CACNA1D: variants seen among roughly 807,000 people sequenced by gnomAD.
CACNA1D encodes the protein calcium voltage-gated channel subunit alpha1 D.
CACNA1D carries 55 observed loss-of-function variants against 257.1 expected under a neutral mutation model. The ratio of observed to expected loss-of-function variants is 0.21; its 90% confidence interval spans 0.17 to 0.27. CACNA1D has a LOEUF of 0.27. Ranked by LOEUF, CACNA1D falls within the 10% of genes least tolerant of loss-of-function variation. The probability of loss-of-function intolerance (pLI) is 1.00; values close to 1 mark genes in which losing one functional copy is unlikely to be tolerated. For synonymous variants in CACNA1D, 980 were observed against 1,014.9 expected (o/e 0.97, Z 0.65); for missense variants, 1,876 against 2,784.0 (o/e 0.67, Z 7.34).
At chr3:53,733,038 TG>T in intron 19 of CACNA1D, 76 bp downstream of exon 19, 1 of 1,489,244 alleles carries the variant, frequency 6.7e-7, no homozygotes, top group Non-Finnish European at 9.3e-7. Context: ...GTGGCTCGGG[TG>T]GGGGTGAGGG....
At chr3:53,686,147 A>G (rs2094471728) in intron 8 of CACNA1D, among the ~76,000 whole-genome samples, 1 of 152,120 alleles carries the variant, frequency 6.6e-6, no homozygotes, top group Non-Finnish European at 1.5e-5. Context: ...CTACCAAGAA[A>G]TAAATTGGGA....
rs991077324 is a variant in CACNA1D at position 53,666,456 on chromosome 3, A to G, written c.1037A>G (p.Asn346Ser). The change falls in exon 7 of 48, where the codon AAC becomes AGC. Residue 346 changes from asparagine to serine, a missense_variant. By Grantham distance (46) the Asn-to-Ser change is conservative (BLOSUM62 1). Coordinates refer to ENST00000350061, the MANE Select transcript of CACNA1D (RefSeq NM_001128840.3). Reference protein sequence around the residue: ...GWVGPNGGITNFDNFAFAMLT... With the variant: ...GWVGPNGGITSFDNFAFAMLT... The stretch of plus-strand genomic sequence containing the variant: ...GTTGGCCCGAACGGAGGCATCACCA[A>G]CTTTGATAACTTTGCCTTTGCCATG... The G allele has an allele frequency of 5.6e-6, 9 of 1,614,194 alleles. No individual in the cohort carries two copies. The highest frequency in any genetic ancestry group is 5.9e-6 in the Non-Finnish European group (7 of 1,180,024).
chr3:53,664,228 C>T (rs3774522), intron 5 of CACNA1D, among the ~76,000 whole-genome samples: 12,405 of 152,242 alleles, frequency 0.081, 523 homozygotes, highest in South Asian at 0.1. Flanking sequence ...GAGAACCTCC[C>T]TTTGGAATGC....
chr3:53,650,404 T>A (rs2094077373), intron 3 of CACNA1D, among the ~76,000 whole-genome samples: 1 of 152,262 alleles, frequency 6.6e-6, no homozygotes, highest in Non-Finnish European at 1.5e-5. Context: ...TGTACCCTTG[T>A]GCTTTTCTGG....
intron 47 of CACNA1D, among the ~76,000 whole-genome samples, chr3:53,810,780 A>AAAAAAAAC (rs1559732992): frequency 7.6e-6 from 1 of 131,906 alleles, no homozygotes. Flanking sequence ...AAAAAAAAAA[A>AAAAAAAAC]AAAAAACAAA....
intron 5 of CACNA1D, among the ~76,000 whole-genome samples, chr3:53,664,731 C>T (rs769538425): frequency 6.6e-6 from 1 of 152,224 alleles, no homozygotes; most frequent in Non-Finnish European, 1.5e-5. Flanking sequence ...CCCATTCATC[C>T]CTACTTGTCA....
At chr3:53,713,545 A>T (rs73092005) in intron 9 of CACNA1D, among the ~76,000 whole-genome samples, 2,897 of 80,330 alleles carry the variant, frequency 0.036, 33 homozygotes, top group African/African-American at 0.08. Flanking sequence ...TGTGTGTGTG[A>T]GAGATTTGCC....
rs1238516470 is a variant in CACNA1D at position 53,504,623 on chromosome 3, C to T, written c.483+2903C>T. 2.6e-5 allele frequency among the ~76,000 whole-genome samples: 4 copies of T among 152,022 alleles called. No individual in the cohort carries two copies. The East Asian group carries it at 5.8e-4, about 22-fold the overall frequency. On this transcript the variant is annotated intron_variant, in intron 3 of 47. Coordinates refer to ENST00000350061, the MANE Select transcript of CACNA1D (RefSeq NM_001128840.3). ...ACTCAGTTCCCACAGTAATAGCCCT[C>T]CTAGTTCAGTCAATAGCAGTATTTC...
chr3:53,550,566 C>T (rs781635443), intron 3 of CACNA1D, among the ~76,000 whole-genome samples: 4 of 152,180 alleles, frequency 2.6e-5, no homozygotes, highest in Non-Finnish European at 5.9e-5. Flanking sequence ...TTTGAAGATT[C>T]TCCGTGGGTG....
intron 4 of CACNA1D, among the ~76,000 whole-genome samples, chr3:53,651,361 A>ATTTTCTTTT (rs2094091109): frequency 1.7e-5 from 1 of 57,168 alleles, no homozygotes; most frequent in African/African-American, 7.9e-5. Flanking sequence ...AAAGCTATTA[A>ATTTTCTTTT]TTTTCTTTTT....
At chr3:53,737,389 C>G (rs1208723751) in intron 20 of CACNA1D, among the ~76,000 whole-genome samples, 1 of 152,170 alleles carries the variant, frequency 6.6e-6, no homozygotes, top group Admixed American at 6.5e-5. Context: ...CTTGGGAAAT[C>G]TAGAGATGAT....
chr3:53,633,452 A>AAAAAC (rs72309502), intron 3 of CACNA1D, among the ~76,000 whole-genome samples: 2 of 34,718 alleles, frequency 5.8e-5, no homozygotes, highest in South Asian at 2.6e-3. Context: ...CTCTGTCTTA[A>AAAAAC]AAAACAAAAA....
At position 53,719,785 on chromosome 3, in the gene CACNA1D, A is replaced by T; in HGVS notation, c.1505+4A>T. 1 of 1,613,164 alleles carries T rather than the reference A, an allele frequency of 6.2e-7. No homozygotes were observed. The highest frequency in any genetic ancestry group is 1.7e-5 in the Admixed American group (1 of 60,028). On this transcript the variant is annotated splice_donor_region_variant and intron_variant, in intron 11 of 47. Coordinates refer to ENST00000350061, the MANE Select transcript of CACNA1D (RefSeq NM_001128840.3). Reference sequence around the variant, plus strand: ...CCATCTCAAAATCCAAACTCAGGTCAGTATCTTCTTTCTGTTTCTTCGTCA... The same window carrying T: ...CCATCTCAAAATCCAAACTCAGGTCTGTATCTTCTTTCTGTTTCTTCGTCA...
chr3:53,497,961 G>A (rs933604975), intron 2 of CACNA1D, among the ~76,000 whole-genome samples: 1 of 152,334 alleles, frequency 6.6e-6, no homozygotes, highest in East Asian at 1.9e-4. Flanking sequence ...TAATGCTAAG[G>A]TTGCTTCTAG....
chr3:53,662,383 C>T (rs2094212324), intron 5 of CACNA1D, among the ~76,000 whole-genome samples: 1 of 152,114 alleles, frequency 6.6e-6, no homozygotes, highest in Non-Finnish European at 1.5e-5. Flanking sequence ...CCCATTCTCT[C>T]CACAGCCCCG....
chr3:53,621,461 C>T (rs932918139), intron 3 of CACNA1D, among the ~76,000 whole-genome samples: 2 of 152,098 alleles, frequency 1.3e-5, no homozygotes, highest in African/African-American at 4.8e-5. Context: ...GTGTGTGTTT[C>T]TCAAAAGTTG....
chr3:53,768,875 G>C (rs1226686252), intron 30 of CACNA1D, among the ~76,000 whole-genome samples: 1 of 152,142 alleles, frequency 6.6e-6, no homozygotes, highest in East Asian at 1.9e-4. Flanking sequence ...ATCCAGACGT[G>C]CACACATGTC....
At chr3:53,689,139 G>A (rs1031712780) in intron 8 of CACNA1D, among the ~76,000 whole-genome samples, 5 of 152,180 alleles carry the variant, frequency 3.3e-5, no homozygotes, top group African/African-American at 1.2e-4. Context: ...ACCCAAGGAA[G>A]CTGGGCTCCA....
At chr3:53,784,829 C>A (rs941969197) in intron 39 of CACNA1D, among the ~76,000 whole-genome samples, 12 of 152,180 alleles carry the variant, frequency 7.9e-5, no homozygotes, top group African/African-American at 2.9e-4. Context: ...AGAGGCAGCT[C>A]TGAAGAAGCC....
Sources: allele counts gnomAD v4.1 joint callset (sites outside exome capture counted in the v4.1 genomes callset), GRCh38; gene constraint gnomAD v4.1.1; transcripts MANE v1.5; gene names NCBI Gene and HGNC (gene_info 2026-07-23, HGNC 2026-07-21).